CDH20: variants seen among roughly 807,000 people sequenced by gnomAD.
CDH20 encodes cadherin 20.
Under a neutral mutation model 74.2 loss-of-function variants are expected in CDH20, and 29 were observed. The ratio of observed to expected loss-of-function variants is 0.39; its 90% CI spans 0.29 to 0.53. The LOEUF (loss-of-function observed/expected upper bound fraction) is 0.53. Ranked by LOEUF, CDH20 falls within the 20% of genes least tolerant of loss-of-function variation. The pLI is 0.69. For synonymous variants in CDH20, 469 were observed against 405.4 expected (o/e 1.16, Z -1.88); for missense variants, 988 against 1,048.3 (o/e 0.94, Z 0.79).
At chr18:61,430,115 T>G in intron 1 of CDH20, among the ~76,000 whole-genome samples, 1 of 152,152 alleles carries the variant, frequency 6.6e-6, no homozygotes, top group East Asian at 1.9e-4. Context: ...ATCTTTTTTA[T>G]TTTATTGTTT....
intron 1 of CDH20, among the ~76,000 whole-genome samples, chr18:61,448,229 G>A (rs1353079858): frequency 2.6e-5 from 4 of 152,200 alleles, no homozygotes; most frequent in African/African-American, 4.8e-5. Flanking sequence ...TCAATTTTGA[G>A]GGGGAGCTAT....
chr18:61,536,690 G>C, intron 8 of CDH20, 61 bp downstream of exon 8: 2 of 1,446,108 alleles, frequency 1.4e-6, no homozygotes, highest in Non-Finnish European at 1.9e-6. Flanking sequence ...ATAGAAAGTG[G>C]AAGTTTCTAG....
At chr18:61,445,203 A>G (rs1332554392) in intron 1 of CDH20, among the ~76,000 whole-genome samples, 1 of 151,948 alleles carries the variant, frequency 6.6e-6, no homozygotes, top group Non-Finnish European at 1.5e-5. Flanking sequence ...TATATCTACT[A>G]TTTATTTAGT....
At chr18:61,455,475 T>A (rs1271513647) in intron 1 of CDH20, among the ~76,000 whole-genome samples, 1 of 152,224 alleles carries the variant, frequency 6.6e-6, no homozygotes. Flanking sequence ...CAAATTTAAA[T>A]AACCTTAAGG....
At chr18:61,371,099 G>T (rs953460197) in intron 1 of CDH20, among the ~76,000 whole-genome samples, 5 of 152,028 alleles carry the variant, frequency 3.3e-5, no homozygotes, top group African/African-American at 1.2e-4. Context: ...TTACCAACAA[G>T]AAATATTCTT....
intron 5 of CDH20, among the ~76,000 whole-genome samples, chr18:61,506,866 C>A (rs375646740): frequency 3.3e-5 from 5 of 152,096 alleles, no homozygotes; most frequent in Non-Finnish European, 4.4e-5. Flanking sequence ...GGCTGCCCCC[C>A]CTTTATAGAT....
chr18:61,363,859 G>A (rs1268100431), intron 1 of CDH20, among the ~76,000 whole-genome samples: 1 of 152,138 alleles, frequency 6.6e-6, no homozygotes, highest in Non-Finnish European at 1.5e-5. Context: ...GTAACTTTAT[G>A]ACCTAAATGA....
chr18:61,539,192 G>A lies in CDH20; in HGVS notation c.1530+47G>A, dbSNP rs778570642. On this transcript the variant is annotated intron_variant, in intron 9 of 11. Transcript: ENST00000262717. ...GCACTCTGCTTAACCCCTAACTTCT[G>A]GAAACAATTGTTAGATAACCAAATT... 4 of 1,593,938 alleles carry A rather than the reference G, an allele frequency of 2.5e-6. No homozygotes were observed. In the South Asian group the frequency reaches 3.4e-5, roughly 14 times the overall value.
intron 1 of CDH20, among the ~76,000 whole-genome samples, chr18:61,399,757 T>C (rs1912098505): frequency 6.6e-6 from 1 of 152,202 alleles, no homozygotes; most frequent in Non-Finnish European, 1.5e-5. Flanking sequence ...TCAGCCTCTT[T>C]TTAATTGATG....
At chr18:61,413,782 A>G (rs1222322195) in intron 1 of CDH20, among the ~76,000 whole-genome samples, 1 of 152,150 alleles carries the variant, frequency 6.6e-6, no homozygotes, top group Non-Finnish European at 1.5e-5. Context: ...ATTTCCTAGG[A>G]AAAACTGGGG....
At chr18:61,358,547 A>G in intron 1 of CDH20, among the ~76,000 whole-genome samples, 1 of 152,154 alleles carries the variant, frequency 6.6e-6, no homozygotes, top group East Asian at 1.9e-4. Context: ...TTTGTCTGCT[A>G]CATACAGTGC....
intron 1 of CDH20, among the ~76,000 whole-genome samples, chr18:61,474,870 G>A (rs1345148026): frequency 6.6e-6 from 1 of 152,134 alleles, no homozygotes; most frequent in African/African-American, 2.4e-5. Flanking sequence ...GGAAGGGCCG[G>A]GGAAAGGCAT....
intron 7 of CDH20, among the ~76,000 whole-genome samples, chr18:61,531,685 A>T (rs888408747): frequency 6.6e-6 from 1 of 152,156 alleles, no homozygotes; most frequent in Non-Finnish European, 1.5e-5. Flanking sequence ...CTTGAATTGT[A>T]ATAATCTCCA....
rs1344205824 is a variant in CDH20, at chr18:61,382,686, A to G, written c.-153+48859A>G. 2.0e-5 allele frequency among the ~76,000 whole-genome samples: 3 copies of G among 152,208 alleles called. No homozygotes were observed. In the East Asian group the frequency reaches 5.8e-4, roughly 29 times the overall value. ...TTGGTGATGGTACACAATTCTAATA[A>G]GTTTTATTCTGATTTTCCAGCCCAA... On this transcript the variant is annotated intron_variant, in intron 1 of 11. Transcript: ENST00000262717.
intron 1 of CDH20, among the ~76,000 whole-genome samples, chr18:61,398,020 T>C (rs1912040165): frequency 6.6e-6 from 1 of 152,254 alleles, no homozygotes; most frequent in Non-Finnish European, 1.5e-5. Flanking sequence ...ATTCACTTGC[T>C]CTGCTAGCTA....
intron 1 of CDH20, among the ~76,000 whole-genome samples, chr18:61,397,452 G>T (rs1912021588): frequency 6.6e-6 from 1 of 152,086 alleles, no homozygotes; most frequent in Non-Finnish European, 1.5e-5. Context: ...CCTTCCCAGG[G>T]TCTGGATACT....
In CDH20 at chr18:61,387,490, C is replaced by T. The variant is rs78496606; in HGVS notation, c.-153+53663C>T. Among the ~76,000 whole-genome samples the T allele has an allele frequency of 5.1e-3, 775 of 152,256 alleles. 7 individuals carry two copies. The highest frequency in any genetic ancestry group is 0.017 in the African/African-American group (717 of 41,540). On this transcript the variant is annotated intron_variant, in intron 1 of 11. Transcript: ENST00000262717. Reference sequence around the variant, plus strand: ...ACCATTTGGGATATGTGTCAGTTTGCTCAATTCAATAAATAACCTGTTCTC... The same window carrying T: ...ACCATTTGGGATATGTGTCAGTTTGTTCAATTCAATAAATAACCTGTTCTC...
At chr18:61,419,526 T>C (rs930890212) in intron 1 of CDH20, among the ~76,000 whole-genome samples, 1 of 152,220 alleles carries the variant, frequency 6.6e-6, no homozygotes, top group African/African-American at 2.4e-5. Context: ...CATGCAATTT[T>C]ATACCCACTA....
intron 7 of CDH20, among the ~76,000 whole-genome samples, chr18:61,529,525 C>T (rs977769438): frequency 2.6e-5 from 4 of 152,070 alleles, no homozygotes; most frequent in Non-Finnish European, 5.9e-5. Context: ...TATATAACAA[C>T]TTTATAGATG....
Sources: allele counts gnomAD v4.1 joint callset (sites outside exome capture counted in the v4.1 genomes callset), GRCh38; gene constraint gnomAD v4.1.1; transcripts MANE v1.5; gene names NCBI Gene and HGNC (gene_info 2026-07-23, HGNC 2026-07-21).